The following PTPRD variants were observed in gnomAD, a reference collection of about 807,000 sequenced individuals.
PTPRD encodes protein tyrosine phosphatase receptor type D.
Under a neutral mutation model 214.5 loss-of-function variants are expected in PTPRD, and 34 were observed. The ratio of observed to expected loss-of-function variants is 0.16; its 90% CI spans 0.12 to 0.21. The LOEUF (loss-of-function observed/expected upper bound fraction) is 0.21, where lower values mean the gene tolerates loss of function less well. PTPRD is among the 10% of genes least tolerant of loss of function. The pLI is 1.00. For synonymous variants in PTPRD, 1,128 were observed against 845.7 expected (o/e 1.33, Z -5.79); for missense variants, 2,545 against 2,398.7 (o/e 1.06, Z -1.27).
At chr9:10,608,863 T>C (rs2080186404) in intron 2 of PTPRD, among the ~76,000 whole-genome samples, 1 of 152,114 alleles carries the variant, frequency 6.6e-6, no homozygotes, top group African/African-American at 2.4e-5. Context: ...ATTGTTTGAC[T>C]GTATCAGGAG....
intron 4 of PTPRD, among the ~76,000 whole-genome samples, chr9:9,962,026 A>C (rs867876447): frequency 2.6e-5 from 4 of 152,184 alleles, no homozygotes; most frequent in African/African-American, 9.6e-5. Context: ...AATCAGGTAG[A>C]AGAAAATAAT....
intron 7 of PTPRD, among the ~76,000 whole-genome samples, chr9:9,685,057 TA>T (rs957418227): frequency 2.8e-4 from 43 of 151,668 alleles, no homozygotes; most frequent in African/African-American, 1.0e-3. Context: ...CATAAAACTT[TA>T]AACTTTTACA....
intron 2 of PTPRD, among the ~76,000 whole-genome samples, chr9:10,607,079 A>C (rs981213209): frequency 6.6e-6 from 1 of 151,884 alleles, no homozygotes; most frequent in Non-Finnish European, 1.5e-5. Context: ...AATTTAAGCT[A>C]TCTCTGATCT....
rs373951211 is a variant in PTPRD at position 9,674,588 on chromosome 9, GAA to G, written c.-287+59943_-287+59944del. On this transcript the variant is annotated intron_variant, in intron 7 of 45. Transcript: ENST00000381196. ...CACGTTCATATACTATAAGAAAAGA[GAA>G]AGATTAAAACTACAGGACAGCAAAA... 9.0e-3 allele frequency among the ~76,000 whole-genome samples: 1,372 copies of G among 151,694 alleles called. 20 individuals carry two copies. Among genetic ancestry groups the G allele is most frequent in the African/African-American group, 0.03 (1,246 of 41,486 alleles).
intron 2 of PTPRD, among the ~76,000 whole-genome samples, chr9:10,507,474 A>C (rs937420359): frequency 4.6e-5 from 7 of 152,164 alleles, no homozygotes; most frequent in Non-Finnish European, 8.8e-5. Context: ...GAACCAAAAA[A>C]TAGCCCGCAT....
Position 8,948,435 on chromosome 9 carries a change from AT to A in PTPRD, c.-104+70261del, listed in dbSNP as rs1276160468. 1.9e-4 allele frequency among the ~76,000 whole-genome samples: 3 copies of A among 16,130 alleles called. 1 individual carries two copies. The highest frequency in any genetic ancestry group is 3.8e-4 in the African/African-American group (3 of 7,854). 10.6% of individuals were successfully genotyped at this position (16,130 alleles called of 152,430 possible). A position where few individuals can be genotyped will look rare whatever the true frequency, so the allele number is the denominator to read the frequency against. On this transcript the variant is annotated intron_variant, in intron 11 of 45. Transcript: ENST00000381196. ...TATATATATATATATTTATATATAT[AT>A]TTACATATATATATATTTATATATA...
At chr9:9,778,046 G>A (rs1399645598) in intron 5 of PTPRD, among the ~76,000 whole-genome samples, 2 of 152,194 alleles carry the variant, frequency 1.3e-5, no homozygotes, top group African/African-American at 2.4e-5. Flanking sequence ...AGACAAGATG[G>A]CTGAAGAGAC....
At chr9:9,944,732 G>A (rs1186314878) in intron 4 of PTPRD, among the ~76,000 whole-genome samples, 1 of 151,904 alleles carries the variant, frequency 6.6e-6, no homozygotes, top group Non-Finnish European at 1.5e-5. Context: ...ATGAGGGAAA[G>A]ACATGAGGAG....
chr9:8,963,907 C>T (rs769474329), intron 11 of PTPRD, among the ~76,000 whole-genome samples: 1 of 152,098 alleles, frequency 6.6e-6, no homozygotes, highest in African/African-American at 2.4e-5. Context: ...AGCCATTGCA[C>T]CCAGCCTAAA....
intron 9 of PTPRD, among the ~76,000 whole-genome samples, chr9:9,328,960 T>C (rs1002676191): frequency 3.3e-5 from 5 of 152,006 alleles, no homozygotes; most frequent in African/African-American, 1.2e-4. Context: ...TTGGTTAAAG[T>C]GATAAGGAGT....
At chr9:10,359,778 A>C (rs1314732426) in intron 2 of PTPRD, among the ~76,000 whole-genome samples, 1 of 152,202 alleles carries the variant, frequency 6.6e-6, no homozygotes, top group Non-Finnish European at 1.5e-5. Flanking sequence ...TTTAGTGTAC[A>C]CTAGGGGATA....
chr9:8,487,831 C>CA (rs1035058443), intron 27 of PTPRD, among the ~76,000 whole-genome samples: 5 of 151,530 alleles, frequency 3.3e-5, no homozygotes, highest in African/African-American at 4.9e-5. Context: ...AACAAACAAA[C>CA]AAACAAACAG....
Position 9,673,910 on chromosome 9 carries a change from C to T in PTPRD, c.-287+60623G>A, listed in dbSNP as rs117816597. 5.3e-5 allele frequency among the ~76,000 whole-genome samples: 8 copies of T among 151,728 alleles called. No individual in the cohort carries two copies. In the East Asian group the frequency reaches 1.6e-3, roughly 29 times the overall value. ...CTTAAAGTACTCGATAGAAGTAACTCCCAATATAGAACACTATACTTTCCA... is the reference window on the plus strand; with the variant it reads ...CTTAAAGTACTCGATAGAAGTAACTTCCAATATAGAACACTATACTTTCCA... On this transcript the variant is annotated intron_variant, in intron 7 of 45. Transcript: ENST00000381196.
chr9:10,146,844 G>C (rs1169048877), intron 3 of PTPRD, among the ~76,000 whole-genome samples: 1 of 152,112 alleles, frequency 6.6e-6, no homozygotes. Flanking sequence ...CCACATCTTG[G>C]AGCAATACCT....
Position 10,259,069 on chromosome 9 carries a change from C to A in PTPRD, c.-545+81894G>T, listed in dbSNP as rs2093502356. Among the ~76,000 whole-genome samples the A allele has an allele frequency of 2.0e-5, 3 of 152,084 alleles. No individual in the cohort carries two copies. The South Asian group carries it at 6.2e-4, about 32-fold the overall frequency. ...ACGGAGTCTCACTCTGTCGCCCAGG[C>A]TGGAGTGCAGTGGCGCCATCTCAGC... On this transcript the variant is annotated intron_variant, in intron 3 of 45. Transcript: ENST00000381196.
chr9:9,907,109 T>A (rs747885653), intron 5 of PTPRD, among the ~76,000 whole-genome samples: 2 of 151,924 alleles, frequency 1.3e-5, no homozygotes, highest in Admixed American at 6.6e-5. Context: ...GGAGTTCAGC[T>A]AGCATCTTCC....
At chr9:10,126,518 C>T (rs1478446075) in intron 3 of PTPRD, among the ~76,000 whole-genome samples, 2 of 151,268 alleles carry the variant, frequency 1.3e-5, no homozygotes, top group East Asian at 1.9e-4. Flanking sequence ...AGAATCAATT[C>T]GTTACGAATT....
At chr9:8,920,181 C>T (rs749039004) in intron 11 of PTPRD, among the ~76,000 whole-genome samples, 1 of 151,876 alleles carries the variant, frequency 6.6e-6, no homozygotes, top group Non-Finnish European at 1.5e-5. Flanking sequence ...TCTCTACTAA[C>T]ATACCAAAAA....
chr9:9,229,446 A>T (rs62529548), intron 9 of PTPRD, among the ~76,000 whole-genome samples: 1 of 152,000 alleles, frequency 6.6e-6, no homozygotes, highest in Non-Finnish European at 1.5e-5. Context: ...TGTGATGAAT[A>T]ATCTGTAATC....
Sources: gnomAD v4.1 joint callset for allele counts (sites outside exome capture counted in the v4.1 genomes callset) on GRCh38, gnomAD v4.1.1 for gene constraint, MANE v1.5 for transcripts, NCBI Gene and HGNC (gene_info 2026-07-23, HGNC 2026-07-21) for gene names.